The following AGAP6 variants were observed in gnomAD, a reference collection of about 807,000 sequenced individuals.
AGAP6 encodes ArfGAP with GTPase domain, ankyrin repeat and PH domain 6, also known as arf-GAP with GTPase, ANK repeat and PH domain-containing protein 6.
Under a neutral mutation model 63.9 loss-of-function variants are expected in AGAP6, and 29 were observed. The observed-to-expected ratio is 0.45, with a 90% CI of 0.34 to 0.62. The LOEUF is 0.62. Among genes scored for constraint, AGAP6 ranks in the 20% least tolerant of loss-of-function variants. The pLI, the probability that AGAP6 is intolerant of heterozygous loss-of-function variation, is 0.01. For synonymous variants in AGAP6, 199 were observed against 332.9 expected (o/e 0.60, Z 4.38); for missense variants, 493 against 884.9 (o/e 0.56, Z 5.62).
At chr10:49,992,254 A>G (rs1841312117) in intron 3 of AGAP6, among the ~76,000 whole-genome samples, 1 of 152,038 alleles carries the variant, frequency 6.6e-6, no homozygotes, top group African/African-American at 2.4e-5. Context: ...ATGCTACTCA[A>G]AAGTTTTAGG....
chr10:49,989,660 T>A lies in AGAP6; in HGVS notation c.292+284T>A, dbSNP rs576600334. ...GAATGGAGGTTGCCACGGGAGAGGC[T>A]ATATGGTATTCTTAATGGGCTGCTT... On this transcript the variant is annotated intron_variant, in intron 2 of 7. Transcript: ENST00000412531. 2.5e-3 allele frequency among the ~76,000 whole-genome samples: 373 copies of A among 152,196 alleles called. 1 individual carries two copies. The highest frequency in any genetic ancestry group is 8.7e-3 in the African/African-American group (360 of 41,444).
At chr10:49,992,222 T>C (rs1191529431) in intron 3 of AGAP6, among the ~76,000 whole-genome samples, 1 of 152,030 alleles carries the variant, frequency 6.6e-6, no homozygotes, top group Non-Finnish European at 1.5e-5. Flanking sequence ...TCTGACCACA[T>C]TCATTTACCA....
In AGAP6 at chr10:50,009,284, C is replaced by T. The variant is rs1842024273; in HGVS notation, c.1159C>T (p.Pro387Ser). ...FSPSISSTTS[P>S]KLNPPPSPHA... ...CCCCAGTATCTCCAGCACCACCAGC[C>T]CCAAGCTCAACCCGCCCCCCTCTCC... The change falls in exon 8 of 8, where the codon CCC becomes TCC. Residue 387 changes from proline to serine, a missense_variant. Around this residue, in one of 7 missense-constraint regions of AGAP6, gnomAD observed 342 missense variants for 533.4 expected, o/e 0.64. Transcript: ENST00000412531. 1.2e-6 allele frequency: 2 copies of T among 1,614,158 alleles called. No individual in the cohort carries two copies. Among genetic ancestry groups the T allele is most frequent in the Non-Finnish European group, 1.7e-6 (2 of 1,180,030 alleles).
intron 3 of AGAP6, 131 bp downstream of exon 3, chr10:49,991,875 T>G: frequency 7.1e-7 from 1 of 1,404,584 alleles, no homozygotes; most frequent in Admixed American, 2.2e-5. Flanking sequence ...TTGTCTTATT[T>G]TAATATGTGA....
intron 6 of AGAP6, among the ~76,000 whole-genome samples, chr10:50,007,392 CAAAAAAAAAAAAAA>C (rs782611919): frequency 1.2e-4 from 1 of 8,590 alleles, no homozygotes; most frequent in African/African-American, 3.1e-4. Flanking sequence ...AACTTGGTCT[CAAAAAAAAAAAAAA>C]AAAAAAAAAA....
At chr10:49,996,086 A>T (rs1199858094) in intron 4 of AGAP6, among the ~76,000 whole-genome samples, 2 of 152,038 alleles carry the variant, frequency 1.3e-5, no homozygotes, top group Admixed American at 6.6e-5. Flanking sequence ...TGTTATTCAG[A>T]TGCTAGGCTG....
chr10:49,991,735 C>G lies in AGAP6; in HGVS notation c.352C>G (p.Gln118Glu), dbSNP rs1296485665. The change falls in exon 3 of 8, where the codon CAA (glutamine) becomes GAA (glutamate). Residue 118 changes from glutamine (Q) to glutamate (E), a missense_variant. Physicochemically the swap from Gln to Glu is conservative, Grantham distance 29. Transcript: ENST00000412531. ...AAGCACAATATTCCAGAGGAACTCTCAAACAGATGGTGAGACGACATTGTC... is the reference window on the plus strand; with the variant it reads ...AAGCACAATATTCCAGAGGAACTCTGAAACAGATGGTGAGACGACATTGTC... ...EASTIFQRNS[Q>E]TDVVEIRRSN... 1.9e-6 allele frequency: 3 copies of G among 1,598,470 alleles called. No homozygotes were observed. Among genetic ancestry groups the G allele is most frequent in the Non-Finnish European group, 2.5e-6 (3 of 1,179,726 alleles).
intron 2 of AGAP6, among the ~76,000 whole-genome samples, chr10:49,991,315 T>C (rs1390463246): frequency 2.0e-5 from 3 of 151,968 alleles, no homozygotes; most frequent in Non-Finnish European, 4.4e-5. Context: ...TTTTAAAACT[T>C]ACTGACATCT....
In AGAP6 at chr10:50,008,759, A is replaced by G. The variant is rs1842006081; in HGVS notation, c.634A>G (p.Asn212Asp). ...GAAAAGAAATGGAGGTGGGAGTTTA[A>G]ATAACTATTCCTCCTCCATTCCATC... ...MKKRNGGGSL[N>D]NYSSSIPSTP... The change falls in exon 8 of 8, where the codon AAT becomes GAT. Residue 212 changes from asparagine (N) to aspartate (D), a missense_variant. Physicochemically the swap from Asn to Asp is conservative, Grantham distance 23 (BLOSUM62 1). Around this residue, in one of 7 missense-constraint regions of AGAP6, gnomAD observed 342 missense variants for 533.4 expected, o/e 0.64. Transcript: ENST00000412531. The G allele has an allele frequency of 6.2e-7, 1 of 1,614,006 alleles. No individual in the cohort carries two copies. Among genetic ancestry groups the G allele is most frequent in the African/African-American group, 1.3e-5 (1 of 74,896 alleles).
intron 7 of AGAP6, 91 bp from the exon 8 acceptor site, chr10:50,008,620 T>G: frequency 1.3e-6 from 2 of 1,524,794 alleles, no homozygotes; most frequent in South Asian, 1.3e-5. Flanking sequence ...CCAGAAAATG[T>G]ATCTTTTTAA....
rs1842010497 is a variant in AGAP6, at chr10:50,008,884, G to T, written c.759G>T (p.Leu253=). The T allele has an allele frequency of 6.2e-7, 1 of 1,613,090 alleles. No individual in the cohort carries two copies. The highest frequency in any genetic ancestry group is 8.5e-7 in the Non-Finnish European group (1 of 1,179,488). The change falls in exon 8 of 8, where the codon CTG becomes CTT. Residue 253 remains leucine, a synonymous_variant. Coordinates refer to ENST00000412531, the MANE Select transcript of AGAP6 (RefSeq NM_001077665.3). ...AGCGGTCCATGCGCTGGTCCAACCT[G>T]TTTACATCTGAGAAAGGGAGTGACC... ...VCKRSMRWSN[L]FTSEKGSDPD... is the part of the protein sequence containing the mutation.
chr10:49,997,299 G>C (rs1341748741), intron 4 of AGAP6, among the ~76,000 whole-genome samples: 1 of 152,126 alleles, frequency 6.6e-6, no homozygotes, highest in Non-Finnish European at 1.5e-5. Context: ...TTCATTTTTA[G>C]CCTGGTCAAC....
chr10:50,009,069 A>G lies in AGAP6; in HGVS notation c.944A>G (p.Tyr315Cys), dbSNP rs782598289. 1.9e-6 allele frequency: 3 copies of G among 1,613,624 alleles called. No homozygotes were observed. Among genetic ancestry groups the G allele is most frequent in the South Asian group, 1.1e-5 (1 of 91,060 alleles). The change falls in exon 8 of 8, where the codon TAT becomes TGT. Residue 315 changes from tyrosine (Y) to cysteine (C), a missense_variant. Around this residue, in one of 7 missense-constraint regions of AGAP6, gnomAD observed 342 missense variants for 533.4 expected, o/e 0.64. Transcript: ENST00000412531. ...CTGTGTTCCAATGGCATGCTCACCT[A>G]TTATTCAAGCTTAGGTGATTATATG... ...VTLCSNGMLT[Y>C]YSSLGDYMKN...
In AGAP6 at chr10:50,008,856, G is replaced by A. The variant is rs1554864560; in HGVS notation, c.731G>A (p.Cys244Tyr). The change falls in exon 8 of 8, where the codon TGC (cysteine) becomes TAC (tyrosine). Residue 244 changes from cysteine to tyrosine, a missense_variant. By Grantham distance (194) the Cys-to-Tyr change is radical. This residue lies in a region of AGAP6 where 342 missense variants were observed against 533.4 expected (regional missense o/e 0.64). Transcript: ENST00000412531. ...ACTGCCAACACACCCACGCCCGTTT[G>A]CAAGCGGTCCATGCGCTGGTCCAAC... ...PPTANTPTPV[C>Y]KRSMRWSNLF... 6.2e-7 allele frequency: 1 copy of A among 1,614,058 alleles called. No homozygotes were observed. Among genetic ancestry groups the A allele is most frequent in the Admixed American group, 1.7e-5 (1 of 60,010 alleles).
rs532697070 is a variant in AGAP6 at position 49,995,734 on chromosome 10, T to C, written c.396+1305T>C. ...CTTCTGTCCTGTTATCATCTCTAGT[T>C]GTAGTTGAACACATTTTCCTGGGTG... On this transcript the variant is annotated intron_variant, in intron 4 of 7. Coordinates refer to ENST00000412531, the MANE Select transcript of AGAP6 (RefSeq NM_001077665.3). Among the ~76,000 whole-genome samples, 7 of 152,336 alleles carry C rather than the reference T, an allele frequency of 4.6e-5. No individual in the cohort carries two copies. In the East Asian group the frequency reaches 9.6e-4, roughly 21 times the overall value.
Position 49,989,364 on chromosome 10 carries a change from T to G in AGAP6, c.280T>G (p.Ser94Ala). The G allele has an allele frequency of 6.3e-7, 1 of 1,597,490 alleles. No individual in the cohort carries two copies. Among genetic ancestry groups the G allele is most frequent in the Non-Finnish European group, 8.5e-7 (1 of 1,179,744 alleles). Residue 94 changes from serine (S) to alanine (A), a missense_variant, in exon 2 of 8, where the codon TCT (serine) becomes GCT (alanine). By Grantham distance (99) the Ser-to-Ala change is moderately conservative (BLOSUM62 1). Coordinates refer to ENST00000412531, the MANE Select transcript of AGAP6 (RefSeq NM_001077665.3). Reference sequence around the variant, plus strand: ...GTCAAGCACAATATTCCAGAGGAACTCTCAAACAGAAGGTGAGACAACAGT... The same window carrying G: ...GTCAAGCACAATATTCCAGAGGAACGCTCAAACAGAAGGTGAGACAACAGT... ...PESSTIFQRNSQTEALEFNPS... is the reference protein window; with the variant it reads ...PESSTIFQRNAQTEALEFNPS...
At chr10:50,007,877 C>T (rs1363904886) in intron 6 of AGAP6, 148 bp from the exon 7 acceptor site, 18 of 1,460,808 alleles carry the variant, frequency 1.2e-5, no homozygotes, top group African/African-American at 2.9e-5. Flanking sequence ...TCAGGAAACC[C>T]TCTGCAAGTC....
In AGAP6 at chr10:50,008,911, A is replaced by T. The variant is rs1842011519; in HGVS notation, c.786A>T (p.Pro262=). The T allele has an allele frequency of 1.9e-6, 3 of 1,605,922 alleles. No homozygotes were observed. Among genetic ancestry groups the T allele is most frequent in the Non-Finnish European group, 2.6e-6 (3 of 1,174,658 alleles). The change falls in exon 8 of 8, where the codon CCA becomes CCT. Residue 262 remains proline (P), a synonymous_variant. Transcript: ENST00000412531. ...TTACATCTGAGAAAGGGAGTGACCC[A>T]GACAAAGAGAGGAAAGCCCCGGAGA... is the stretch of plus-strand genomic sequence containing the variant. ...NLFTSEKGSD[P]DKERKAPENH...
intron 4 of AGAP6, among the ~76,000 whole-genome samples, chr10:49,995,577 A>C (rs2132129326): frequency 6.6e-6 from 1 of 152,122 alleles, no homozygotes; most frequent in Admixed American, 6.5e-5. Context: ...TTGTCATCCT[A>C]GTTCAATATA....
Sources: allele counts gnomAD v4.1 joint callset (sites outside exome capture counted in the v4.1 genomes callset), GRCh38; gene constraint gnomAD v4.1.1; regional missense constraint gnomAD v4.1.1; transcripts MANE v1.5; gene names NCBI Gene and HGNC (gene_info 2026-07-23, HGNC 2026-07-21).